The following HEPACAM2 variants were observed in gnomAD, a reference collection of about 807,000 sequenced individuals.
HEPACAM2 encodes the protein mitotic kinetics regulator.
In HEPACAM2, 49 loss-of-function variants were observed where a neutral mutation model predicts 49.6. That is an observed-to-expected ratio of 0.99 (90% CI 0.78 to 1.25). HEPACAM2 has a LOEUF of 1.25. Among genes scored for constraint, HEPACAM2 ranks in the 50% most tolerant of loss-of-function variants. HEPACAM2 has a pLI of 0.00. For missense variants in HEPACAM2, 525 were observed against 557.2 expected (o/e 0.94, Z 0.58); for synonymous variants, 197 against 202.9 (o/e 0.97, Z 0.25).
At chr7:93,223,326 T>C (rs755628822) in intron 1 of HEPACAM2, among the ~76,000 whole-genome samples, 5 of 152,196 alleles carry the variant, frequency 3.3e-5, no homozygotes, top group Admixed American at 6.5e-5. Flanking sequence ...TGATGACTTT[T>C]GGATCTTGAC....
chr7:93,215,215 TAGGATTG>T (rs1411410023), intron 3 of HEPACAM2, among the ~76,000 whole-genome samples, 179 bp downstream of exon 3: 1 of 152,044 alleles, frequency 6.6e-6, no homozygotes, highest in African/African-American at 2.4e-5. Flanking sequence ...CTTTAAGAAA[TAGGATTG>T]TGCTAGCAGA....
At chr7:93,225,524 T>G (rs866138510) in intron 1 of HEPACAM2, among the ~76,000 whole-genome samples, 6 of 152,166 alleles carry the variant, frequency 3.9e-5, no homozygotes, top group South Asian at 2.1e-4. Context: ...GTTAAATTGC[T>G]TATTTTGCTA....
chr7:93,204,082 A>G (rs1343160949), intron 4 of HEPACAM2, among the ~76,000 whole-genome samples: 3 of 152,122 alleles, frequency 2.0e-5, no homozygotes, highest in African/African-American at 7.2e-5. Flanking sequence ...AAAATTAGTA[A>G]ATTCATTTTC....
chr7:93,190,813 A>T (rs1793524340), intron 9 of HEPACAM2, among the ~76,000 whole-genome samples: 1 of 141,988 alleles, frequency 7.0e-6, no homozygotes, highest in Non-Finnish European at 1.6e-5. Flanking sequence ...AAAACAACCC[A>T]ATCAGTTTAT....
chr7:93,208,552 G>A lies in HEPACAM2; in HGVS notation c.1012+28C>T. 3 of 1,591,042 alleles carry A rather than the reference G, an allele frequency of 1.9e-6. No homozygotes were observed. The South Asian group carries it at 3.4e-5, about 18-fold the overall frequency. ...GCCAGCATGCATTCATGTTTTATTA[G>A]GATCCCTTCCTTGTATGTCACACAT... On this transcript the variant is annotated intron_variant, in intron 4 of 9. Coordinates refer to ENST00000394468, the MANE Select transcript of HEPACAM2 (RefSeq NM_001039372.4).
intron 4 of HEPACAM2, among the ~76,000 whole-genome samples, chr7:93,203,369 T>C (rs1050974000): frequency 1.3e-5 from 2 of 152,112 alleles, no homozygotes; most frequent in African/African-American, 4.8e-5. Context: ...ACAGTTGTTG[T>C]GGTCTCAGCT....
At chr7:93,223,320 G>C (rs1794484907) in intron 1 of HEPACAM2, among the ~76,000 whole-genome samples, 1 of 152,124 alleles carries the variant, frequency 6.6e-6, no homozygotes, top group East Asian at 1.9e-4. Context: ...AAATGTTGAT[G>C]ACTTTTGGAT....
At chr7:93,199,961 G>GT (rs980106691) in intron 4 of HEPACAM2, among the ~76,000 whole-genome samples, 3 of 151,540 alleles carry the variant, frequency 2.0e-5, no homozygotes, top group African/African-American at 7.3e-5. Context: ...AAGTTTGGGA[G>GT]TTTTCTAGTG....
Position 93,215,546 on chromosome 7 carries a change from G to A in HEPACAM2, c.570C>T (p.His190=). The A allele has an allele frequency of 1.9e-6, 3 of 1,613,876 alleles. No homozygotes were observed. The highest frequency in any genetic ancestry group is 2.5e-6 in the Non-Finnish European group (3 of 1,179,866). Reference sequence around the variant, plus strand: ...GAGAAAAGGAGTAGGTGGAGCTGGTGTGGACAGGTCTCCCATTTTTTAGCC... The same window carrying A: ...GAGAAAAGGAGTAGGTGGAGCTGGTATGGACAGGTCTCCCATTTTTTAGCC... ...YQWLKNGRPV[H]TSSTYSFSPQ... Residue 190 remains histidine, a synonymous_variant, in exon 3 of 10, where the codon CAC becomes CAT. Coordinates refer to ENST00000394468, the MANE Select transcript of HEPACAM2 (RefSeq NM_001039372.4).
intron 3 of HEPACAM2, among the ~76,000 whole-genome samples, chr7:93,214,968 T>C (rs1209111699): frequency 2.0e-5 from 3 of 152,116 alleles, no homozygotes; most frequent in African/African-American, 7.2e-5. Flanking sequence ...GAAGAAAGAA[T>C]TGATGTAAAG....
chr7:93,188,744 C>T lies in HEPACAM2; in HGVS notation c.*523G>A. 3.1e-6 allele frequency: 1 copy of T among 317,820 alleles called. No homozygotes were observed. Among genetic ancestry groups the T allele is most frequent in the East Asian group, 4.9e-5 (1 of 20,310 alleles). 19.7% of individuals were successfully genotyped at this position (317,820 alleles called of 1,614,324 possible). On this transcript the variant is annotated 3_prime_UTR_variant, in exon 10 of 10. Transcript: ENST00000394468. ...AGGCATAGTTTTGTTTTTGTGACAA[C>T]CATCCTTATTACTTTGTTGTACAAA...
chr7:93,192,279 G>T lies in HEPACAM2; in HGVS notation c.1360C>A (p.Pro454Thr). 1 of 1,612,510 alleles carries T rather than the reference G, an allele frequency of 6.2e-7. No homozygotes were observed. Among genetic ancestry groups the T allele is most frequent in the East Asian group, 2.2e-5 (1 of 44,842 alleles). Reference sequence around the variant, plus strand: ...TCTGGATGGTCTTGCTGCTGGGCAGGGATGTGCTGAATAACTTCATACACT... The same window carrying T: ...TCTGGATGGTCTTGCTGCTGGGCAGTGATGTGCTGAATAACTTCATACACT... ...STVYEVIQHIPAQQQDHPE is the reference protein window; with the variant it reads ...STVYEVIQHITAQQQDHPE The change falls in exon 9 of 10, where the codon CCT becomes ACT. Residue 454 changes from proline (P) to threonine (T), a missense_variant. Physicochemically the swap from Pro to Thr is conservative, Grantham distance 38 (BLOSUM62 -1). Transcript: ENST00000394468.
intron 7 of HEPACAM2, 139 bp downstream of exon 7, chr7:93,197,102 C>T (rs1385212303): frequency 6.1e-6 from 3 of 489,204 alleles, no homozygotes; most frequent in Non-Finnish European, 9.4e-6. Flanking sequence ...AAAGTGAAGG[C>T]ACTAACTCAA....
intron 1 of HEPACAM2, 125 bp downstream of exon 1, chr7:93,226,243 G>C (rs941484545): frequency 1.5e-6 from 1 of 652,948 alleles, no homozygotes; most frequent in African/African-American, 1.8e-5. Flanking sequence ...ATTGTTAAAA[G>C]GTTCTGACCT....
At chr7:93,211,813 G>T (rs1043383080) in intron 3 of HEPACAM2, among the ~76,000 whole-genome samples, 1 of 151,978 alleles carries the variant, frequency 6.6e-6, no homozygotes, top group Admixed American at 6.6e-5. Context: ...AAGTCTGAGG[G>T]TCTTTCTGAG....
At chr7:93,216,859 C>A (rs1372960958) in intron 2 of HEPACAM2, among the ~76,000 whole-genome samples, 2 of 152,270 alleles carry the variant, frequency 1.3e-5, no homozygotes, top group Admixed American at 1.3e-4. Context: ...GTCAATGCAT[C>A]TTCCTCAGGT....
chr7:93,219,429 C>T lies in HEPACAM2; in HGVS notation c.102G>A (p.Val34=). 6.2e-7 allele frequency: 1 copy of T among 1,613,960 alleles called. No individual in the cohort carries two copies. Among genetic ancestry groups the T allele is most frequent in the South Asian group, 1.1e-5 (1 of 91,062 alleles). Reference sequence around the variant, plus strand: ...CATGGACAGTGTGTGATGGCACTGTCACCTTCAGCCCCGAGCAAGCACCTG... The same window carrying T: ...CATGGACAGTGTGTGATGGCACTGTTACCTTCAGCCCCGAGCAAGCACCTG... The part of the protein sequence containing the change: ...LLFGACSGLK[V]TVPSHTVHGV... The change falls in exon 2 of 10, where the codon GTG becomes GTA. Residue 34 remains valine, a synonymous_variant. Coordinates refer to ENST00000394468, the MANE Select transcript of HEPACAM2 (RefSeq NM_001039372.4).
At position 93,215,595 on chromosome 7, in the gene HEPACAM2, C is replaced by T. The variant is rs774374616; in HGVS notation, c.521G>A (p.Gly174Glu). Residue 174 changes from glycine (G) to glutamate (E), a missense_variant, in exon 3 of 10, where the codon GGG becomes GAG. By Grantham distance (98) the Gly-to-Glu change is moderately conservative (BLOSUM62 -2). Transcript: ENST00000394468. ...CCATTGGTAAGCTAGCCGAGTGCCC[C>T]CTTCCACATGGCATGTCAGGGTCAT... ...GNMTLTCHVE[G>E]GTRLAYQWLK... 6.2e-7 allele frequency: 1 copy of T among 1,613,634 alleles called. No homozygotes were observed. Among genetic ancestry groups the T allele is most frequent in the African/African-American group, 1.3e-5 (1 of 74,872 alleles).
At chr7:93,197,822 G>A (rs1377851023) in intron 4 of HEPACAM2, among the ~76,000 whole-genome samples, 1 of 152,104 alleles carries the variant, frequency 6.6e-6, no homozygotes, top group East Asian at 1.9e-4. Flanking sequence ...GATTGGAAAC[G>A]TGGTGCACTG....
Sources: allele counts gnomAD v4.1 joint callset (sites outside exome capture counted in the v4.1 genomes callset), GRCh38; gene constraint gnomAD v4.1.1; transcripts MANE v1.5; gene names NCBI Gene and HGNC (gene_info 2026-07-23, HGNC 2026-07-21).